The following SIPA1L3 variants were observed in gnomAD, a reference collection of about 807,000 sequenced individuals.
SIPA1L3 encodes the protein signal induced proliferation associated 1 like 3, also known as signal-induced proliferation-associated 1-like protein 3.
In SIPA1L3, 59 loss-of-function variants were observed where a neutral mutation model predicts 150.1. The observed-to-expected ratio is 0.39, with a 90% confidence interval of 0.32 to 0.49. SIPA1L3 has a LOEUF of 0.49. Among genes scored for constraint, SIPA1L3 ranks in the 20% least tolerant of loss-of-function variants. The pLI is 0.86. For synonymous variants in SIPA1L3, 1,070 were observed against 1,077.6 expected, an observed-to-expected ratio of 0.99 and a Z score of 0.14; for missense variants, 2,211 against 2,489.5, an observed-to-expected ratio of 0.89 and a Z score of 2.38.
intron 4 of SIPA1L3, among the ~76,000 whole-genome samples, chr19:38,090,600 GAAGACCCAAATAAGGAA>G (rs929759788): frequency 6.6e-6 from 1 of 152,218 alleles, no homozygotes; most frequent in Non-Finnish European, 1.5e-5. Context: ...GAGAGGCCCA[GAAGACCCAAATAAGGAA>G]GACCTTTCAG....
chr19:37,981,110 G>T (rs186138003), intron 1 of SIPA1L3, among the ~76,000 whole-genome samples: 1 of 152,290 alleles, frequency 6.6e-6, no homozygotes, highest in East Asian at 1.9e-4. Context: ...GCTGGTTTGG[G>T]CTCATACTTT....
chr19:38,076,638 A>C (rs1376751798), intron 2 of SIPA1L3, among the ~76,000 whole-genome samples: 1 of 152,214 alleles, frequency 6.6e-6, no homozygotes, highest in Non-Finnish European at 1.5e-5. Flanking sequence ...GGGGACCCGT[A>C]CAAAGTGCCA....
intron 16 of SIPA1L3, among the ~76,000 whole-genome samples, chr19:38,191,484 G>T (rs1438189336): frequency 6.6e-6 from 1 of 151,742 alleles, no homozygotes; most frequent in Admixed American, 6.6e-5. Flanking sequence ...CCTTGCTCTG[G>T]TATGGTTCAC....
chr19:37,970,536 C>G (rs1382818675), intron 1 of SIPA1L3, among the ~76,000 whole-genome samples: 2 of 152,184 alleles, frequency 1.3e-5, no homozygotes, highest in Non-Finnish European at 2.9e-5. Flanking sequence ...CCAGGCCGCT[C>G]TCTTCTCACT....
intron 17 of SIPA1L3, 143 bp downstream of exon 17, chr19:38,192,453 C>T (rs948501840): frequency 2.3e-5 from 17 of 728,496 alleles, no homozygotes; most frequent in Non-Finnish European, 3.7e-5. Flanking sequence ...TCTGCCAGTC[C>T]TGTTGGGGGC....
At chr19:38,030,642 A>ATATATATATATATG (rs1555778714) in intron 2 of SIPA1L3, among the ~76,000 whole-genome samples, 5 of 75,326 alleles carry the variant, frequency 6.6e-5, no homozygotes, top group African/African-American at 2.0e-4. Flanking sequence ...ATATATATAT[A>ATATATATATATATG]TATATATATG....
At chr19:38,080,139 G>A (rs565579011) in intron 2 of SIPA1L3, among the ~76,000 whole-genome samples, 44 of 152,310 alleles carry the variant, frequency 2.9e-4, no homozygotes, top group African/African-American at 1.1e-3. Context: ...ATAGTCTGCA[G>A]TAACCACATG....
intron 20 of SIPA1L3, among the ~76,000 whole-genome samples, chr19:38,203,078 G>T (rs1031175681): frequency 6.6e-6 from 1 of 152,154 alleles, no homozygotes; most frequent in Non-Finnish European, 1.5e-5. Context: ...TGTACTTCAT[G>T]GGCAGTGGGA....
intron 1 of SIPA1L3, among the ~76,000 whole-genome samples, chr19:37,943,100 C>T (rs545070193): frequency 1.4e-5 from 2 of 146,374 alleles, no homozygotes; most frequent in African/African-American, 5.1e-5. Flanking sequence ...TATCAAACTC[C>T]TGGCACCAGG....
intron 4 of SIPA1L3, among the ~76,000 whole-genome samples, chr19:38,097,638 C>T (rs1333512537): frequency 6.6e-6 from 1 of 152,192 alleles, no homozygotes; most frequent in Non-Finnish European, 1.5e-5. Flanking sequence ...CTCATTGCAA[C>T]CTCCTCCTCC....
At chr19:38,111,731 G>T (rs1478166519) in intron 8 of SIPA1L3, among the ~76,000 whole-genome samples, 1 of 152,214 alleles carries the variant, frequency 6.6e-6, no homozygotes, top group Non-Finnish European at 1.5e-5. Context: ...CTCCTTACAG[G>T]CATGTCCCTG....
intron 2 of SIPA1L3, among the ~76,000 whole-genome samples, chr19:38,078,469 CAG>C (rs1491547791): frequency 6.8e-6 from 1 of 147,798 alleles, no homozygotes; most frequent in South Asian, 2.2e-4. Flanking sequence ...CACACACACA[CAG>C]GCACACAGAC....
At chr19:38,014,032 A>G (rs1157356530) in intron 1 of SIPA1L3, among the ~76,000 whole-genome samples, 2 of 152,260 alleles carry the variant, frequency 1.3e-5, no homozygotes, top group African/African-American at 4.8e-5. Context: ...TCCACGTCAC[A>G]TGGCCTGCTC....
chr19:38,203,787 A>G (rs1973143032), intron 20 of SIPA1L3: 1 of 262,586 alleles, frequency 3.8e-6, no homozygotes, highest in Non-Finnish European at 7.3e-6. Context: ...AGGTGTCTGT[A>G]GAGTGGGCTC....
intron 10 of SIPA1L3, among the ~76,000 whole-genome samples, chr19:38,138,915 A>AAAAAAAAAAAAC (rs1568570955): frequency 1.4e-5 from 2 of 140,818 alleles, no homozygotes; most frequent in African/African-American, 2.6e-5. Flanking sequence ...AAAAAAAAAA[A>AAAAAAAAAAAAC]CTGAGTGTGG....
intron 1 of SIPA1L3, among the ~76,000 whole-genome samples, chr19:37,980,163 A>G (rs141153487): frequency 9.2e-5 from 14 of 152,308 alleles, no homozygotes; most frequent in South Asian, 6.2e-4. Flanking sequence ...ATGCATTTAT[A>G]TGCTTCAAAA....
At chr19:37,930,393 A>T (rs889106799) in intron 1 of SIPA1L3, among the ~76,000 whole-genome samples, 1 of 151,072 alleles carries the variant, frequency 6.6e-6, no homozygotes, top group Non-Finnish European at 1.5e-5. Flanking sequence ...CCTGGGGCTC[A>T]AGCGATCCTC....
intron 1 of SIPA1L3, among the ~76,000 whole-genome samples, chr19:37,912,620 C>G (rs1380433504): frequency 2.6e-5 from 4 of 152,120 alleles, no homozygotes; most frequent in Non-Finnish European, 5.9e-5. Context: ...CTCAGACTCC[C>G]TAGTAGCTGG....
intron 6 of SIPA1L3, among the ~76,000 whole-genome samples, chr19:38,105,945 AG>A (rs1239371351): frequency 1.3e-5 from 2 of 152,262 alleles, no homozygotes; most frequent in South Asian, 2.1e-4. Context: ...ATTGCTAAAA[AG>A]TTTTCCAAAG....
Sources: allele counts gnomAD v4.1 joint callset (sites outside exome capture counted in the v4.1 genomes callset), GRCh38; gene constraint gnomAD v4.1.1; transcripts MANE v1.5; gene names NCBI Gene and HGNC (gene_info 2026-07-23, HGNC 2026-07-21).